Variants in RMND5B observed in about 807,000 individuals in gnomAD.
RMND5B encodes the protein required for meiotic nuclear division 5 homolog B.
Under a neutral mutation model 50.4 loss-of-function variants are expected in RMND5B, and 42 were observed. The observed-to-expected ratio is 0.83, with a 90% CI of 0.65 to 1.08. The LOEUF is 1.08. Ranked by LOEUF, RMND5B falls within the 50% of genes least tolerant of loss-of-function variation. The probability of loss-of-function intolerance (pLI) is 0.00; values close to 1 mark genes in which losing one functional copy is unlikely to be tolerated. For missense variants in RMND5B, 463 were observed against 508.5 expected, an observed-to-expected ratio of 0.91 and a Z score of 0.86; for synonymous variants, 220 against 210.0, an observed-to-expected ratio of 1.05 and a Z score of -0.41.
intron 7 of RMND5B, among the ~76,000 whole-genome samples, chr5:178,145,479 C>T (rs1195826606): frequency 1.8e-4 from 26 of 147,434 alleles, no homozygotes; most frequent in East Asian, 5.9e-4. Flanking sequence ...GGCGACAGAG[C>T]GAGACTCTGT....
At chr5:178,140,425 G>A (rs1227295061) in intron 3 of RMND5B, among the ~76,000 whole-genome samples, 4 of 151,512 alleles carry the variant, frequency 2.6e-5, no homozygotes, top group African/African-American at 9.7e-5. Context: ...TGATCCTCCC[G>A]TGTCAGCCTC....
chr5:178,145,910 C>T, intron 7 of RMND5B: 1 of 560,796 alleles, frequency 1.8e-6, no homozygotes, highest in Non-Finnish European at 3.2e-6. Context: ...TCTCATCCTG[C>T]AGAAGCAGCC....
intron 3 of RMND5B, among the ~76,000 whole-genome samples, chr5:178,139,873 T>C (rs758842568): frequency 8.5e-5 from 13 of 152,194 alleles, no homozygotes; most frequent in Non-Finnish European, 1.3e-4. Context: ...GGAATTTTCA[T>C]AAAGCATTTT....
At position 178,147,651 on chromosome 5, in the gene RMND5B, G is replaced by C. The variant is rs1388808508; in HGVS notation, c.963+16G>C. On this transcript the variant is annotated intron_variant, in intron 9 of 10. Transcript: ENST00000313386. ...CGAGTTACCGGTGAGGCCTGGTCTG[G>C]GGAATCGTGGGCAAGAGGTACTGGG... 1.9e-6 allele frequency: 3 copies of C among 1,613,960 alleles called. No homozygotes were observed. The highest frequency in any genetic ancestry group is 2.5e-6 in the Non-Finnish European group (3 of 1,179,956).
At chr5:178,135,311 A>G in intron 2 of RMND5B, 1 of 204,932 alleles carries the variant, frequency 4.9e-6, no homozygotes. Context: ...CACCATGCCC[A>G]GGTAAATTTG....
Position 178,142,890 on chromosome 5 carries a change from G to A in RMND5B, c.324G>A (p.Ala108=), listed in dbSNP as rs200442577. 9 of 1,614,220 alleles carry A rather than the reference G, an allele frequency of 5.6e-6. No individual in the cohort carries two copies. Among genetic ancestry groups the A allele is most frequent in the East Asian group, 2.2e-5 (1 of 44,884 alleles). ...DSEICGVVSD[A]VWDAREQQQQ... is the part of the protein sequence containing the mutation. Reference sequence around the variant, plus strand: ...AGATCTGTGGTGTTGTGTCAGATGCGGTGTGGGACGCGCGGGAACAGCAGC... The same window carrying A: ...AGATCTGTGGTGTTGTGTCAGATGCAGTGTGGGACGCGCGGGAACAGCAGC... Residue 108 remains alanine (A), a synonymous_variant, in exon 5 of 11, where the codon GCG becomes GCA. Transcript: ENST00000313386.
chr5:178,132,538 C>T (rs1758371469), intron 2 of RMND5B, among the ~76,000 whole-genome samples: 1 of 151,698 alleles, frequency 6.6e-6, no homozygotes, highest in Non-Finnish European at 1.5e-5. Context: ...GGAGAAAAGG[C>T]CCTGCATGGA....
rs1365224046 is a variant in RMND5B at position 178,137,931 on chromosome 5, A to G, written c.-12-177A>G. Among the ~76,000 whole-genome samples, 2 of 152,166 alleles carry G rather than the reference A, an allele frequency of 1.3e-5. No individual in the cohort carries two copies. Among genetic ancestry groups the G allele is most frequent in the African/African-American group, 4.8e-5 (2 of 41,450 alleles). ...CACTGGGCACCCCAGTGGAGTGAGGAGATGGGATGTTATATGCTTACCAAA... is the reference window on the plus strand; with the variant it reads ...CACTGGGCACCCCAGTGGAGTGAGGGGATGGGATGTTATATGCTTACCAAA... On this transcript the variant is annotated intron_variant, in intron 2 of 10. Coordinates refer to ENST00000313386, the MANE Select transcript of RMND5B (RefSeq NM_022762.5). The surrounding 1 kb of genome is among the most constrained non-coding windows in gnomAD (Gnocchi z 4.4).
At chr5:178,132,133 T>G (rs1297631629) in intron 2 of RMND5B, among the ~76,000 whole-genome samples, 1 of 151,932 alleles carries the variant, frequency 6.6e-6, no homozygotes, top group Non-Finnish European at 1.5e-5. Context: ...GCCAACATGG[T>G]GAAACCCTGT....
intron 3 of RMND5B, among the ~76,000 whole-genome samples, chr5:178,140,827 C>CAA (rs113302363): frequency 2.5e-5 from 3 of 120,646 alleles, no homozygotes; most frequent in Admixed American, 8.4e-5. Flanking sequence ...GAGACTGTCT[C>CAA]AAAAAAAAAA....
At position 178,146,256 on chromosome 5, in the gene RMND5B, T is replaced by A. The variant is rs1039161392; in HGVS notation, c.837T>A (p.Ser279=). The A allele has an allele frequency of 6.2e-6, 10 of 1,614,058 alleles. No homozygotes were observed. The highest frequency in any genetic ancestry group is 3.3e-5 in the Admixed American group (2 of 60,004). Residue 279 remains serine (S), a synonymous_variant, in exon 8 of 11, where the codon TCT becomes TCA. Coordinates refer to ENST00000313386, the MANE Select transcript of RMND5B (RefSeq NM_022762.5). ...TRDACSLLGL[S]VESPLSVSFA... ...ACGCCTGTTCCCTGCTGGGGCTTTC[T>A]GTGGAGTCCCCCCTTAGCGTCAGGT...
chr5:178,148,207 C>T lies in RMND5B; in HGVS notation c.*175C>T. ...GGCAGAGGCTGAGGAGGGAGATGGA[C>T]CAGCCCACGCCTGGCACCTGGCTCC... On this transcript the variant is annotated 3_prime_UTR_variant, in exon 11 of 11. Coordinates refer to ENST00000313386, the MANE Select transcript of RMND5B (RefSeq NM_022762.5). The T allele has an allele frequency of 1.6e-6, 1 of 634,808 alleles. No homozygotes were observed. The highest frequency in any genetic ancestry group is 2.8e-6 in the Non-Finnish European group (1 of 359,038). The allele number at this position is 634,808 out of a possible 1,614,324, so 39.3% of individuals were successfully genotyped here. A position where few individuals can be genotyped will look rare whatever the true frequency, so the allele number is the denominator to read the frequency against.
At position 178,138,840 on chromosome 5, in the gene RMND5B, C is replaced by A. The variant is rs1403678403; in HGVS notation, c.139+582C>A. 6.6e-6 allele frequency among the ~76,000 whole-genome samples: 1 copy of A among 152,170 alleles called. No homozygotes were observed. Among genetic ancestry groups the A allele is most frequent in the Non-Finnish European group, 1.5e-5 (1 of 68,042 alleles). ...AAAATAAGTTGTAGATAACATAGCC[C>A]CAAGCCTTCAGTGTGTATGTCCTAA... On this transcript the variant is annotated intron_variant, in intron 3 of 10. Transcript: ENST00000313386. The surrounding 1 kb of genome is among the most constrained non-coding windows in gnomAD (Gnocchi z 5.1).
chr5:178,145,712 ATGAC>A (rs1166604645), intron 7 of RMND5B, among the ~76,000 whole-genome samples: 2 of 152,136 alleles, frequency 1.3e-5, no homozygotes, highest in African/African-American at 4.8e-5. Flanking sequence ...GCCCCAAAAC[ATGAC>A]TGAAGTTTTA....
rs1355705957 is a variant in RMND5B, at chr5:178,148,083, G to C, written c.*51G>C. 6.4e-7 allele frequency: 1 copy of C among 1,569,852 alleles called. No homozygotes were observed. Among genetic ancestry groups the C allele is most frequent in the East Asian group, 2.2e-5 (1 of 44,638 alleles). ...AAAGGGGTTTTCACCTGTGAGCCTTGGTCTGTCTCGGTAGGGTGGTCAACT... is the reference window on the plus strand; with the variant it reads ...AAAGGGGTTTTCACCTGTGAGCCTTCGTCTGTCTCGGTAGGGTGGTCAACT... On this transcript the variant is annotated 3_prime_UTR_variant, in exon 11 of 11. Coordinates refer to ENST00000313386, the MANE Select transcript of RMND5B (RefSeq NM_022762.5).
intron 2 of RMND5B, among the ~76,000 whole-genome samples, chr5:178,131,581 A>G (rs1758307635): frequency 6.6e-6 from 1 of 151,700 alleles, no homozygotes; most frequent in Non-Finnish European, 1.5e-5. Context: ...AGTAAAAAAA[A>G]AAAAAAAATG....
At chr5:178,132,325 C>T (rs961278499) in intron 2 of RMND5B, among the ~76,000 whole-genome samples, 3 of 151,968 alleles carry the variant, frequency 2.0e-5, no homozygotes, top group African/African-American at 7.3e-5. Flanking sequence ...TCTGTAATTC[C>T]AGCTACTTGG....
chr5:178,137,845 G>T lies in RMND5B; in HGVS notation c.-12-263G>T, dbSNP rs147813137. On this transcript the variant is annotated intron_variant, in intron 2 of 10. Transcript: ENST00000313386. This position sits in a 1 kb window ranked among gnomAD's most constrained non-coding sequence, Gnocchi z 4.4. ...TAAGGCATGAAAAGAGTTGAAAATGGAATAATAATTTTCTCACCATGATTA... is the reference window on the plus strand; with the variant it reads ...TAAGGCATGAAAAGAGTTGAAAATGTAATAATAATTTTCTCACCATGATTA... 6.6e-6 allele frequency among the ~76,000 whole-genome samples: 1 copy of T among 152,054 alleles called. No homozygotes were observed. The highest frequency in any genetic ancestry group is 1.5e-5 in the Non-Finnish European group (1 of 68,014).
intron 7 of RMND5B, among the ~76,000 whole-genome samples, chr5:178,144,720 G>GAAAAA (rs111233356): frequency 1.2e-4 from 13 of 111,782 alleles, no homozygotes; most frequent in African/African-American, 3.2e-4. Context: ...CTCCGTCTCA[G>GAAAAA]AAAAAAAAAA....
Sources: allele counts gnomAD v4.1 joint callset (sites outside exome capture counted in the v4.1 genomes callset), GRCh38; gene constraint gnomAD v4.1.1; non-coding constraint Gnocchi (gnomAD v3.1); transcripts MANE v1.5; gene names NCBI Gene and HGNC (gene_info 2026-07-23, HGNC 2026-07-21).